Variants in BPTF observed in about 807,000 individuals in gnomAD.
BPTF encodes the protein bromodomain PHD finger transcription factor.
Under a neutral mutation model 292.5 loss-of-function variants are expected in BPTF, and 18 were observed. The observed-to-expected ratio is 0.06, with a 90% CI of 0.04 to 0.09. The LOEUF is 0.09. Ranked by LOEUF, BPTF falls within the 10% of genes least tolerant of loss-of-function variation. The pLI, the probability that BPTF is intolerant of heterozygous loss-of-function variation, is 1.00. For synonymous variants in BPTF, 1,225 were observed against 1,251.9 expected (o/e 0.98, Z 0.45); for missense variants, 2,726 against 3,498.7 (o/e 0.78, Z 5.57).
At chr17:67,927,700 T>G (rs1196273016) in intron 15 of BPTF, among the ~76,000 whole-genome samples, 5 of 152,220 alleles carry the variant, frequency 3.3e-5, no homozygotes, top group Non-Finnish European at 5.9e-5. Flanking sequence ...TCTGTTGTTT[T>G]CAGTCTGAAA....
intron 17 of BPTF, among the ~76,000 whole-genome samples, chr17:67,929,863 C>G (rs2064214909): frequency 6.6e-6 from 1 of 152,186 alleles, no homozygotes; most frequent in Non-Finnish European, 1.5e-5. Flanking sequence ...CGCCTGTAAT[C>G]CGAACACTTT....
intron 1 of BPTF, among the ~76,000 whole-genome samples, chr17:67,839,285 A>G (rs564598842): frequency 2.8e-4 from 43 of 152,232 alleles, no homozygotes; most frequent in African/African-American, 9.9e-4. Flanking sequence ...GAGACCTTCA[A>G]TGTGTTGAAT....
chr17:67,901,053 A>G (rs1407807745), intron 7 of BPTF, among the ~76,000 whole-genome samples: 1 of 152,120 alleles, frequency 6.6e-6, no homozygotes, highest in Admixed American at 6.6e-5. Context: ...GTTATTGTGT[A>G]AGAATAGCCA....
chr17:67,836,402 C>T (rs1164092629), intron 1 of BPTF, among the ~76,000 whole-genome samples: 5 of 152,080 alleles, frequency 3.3e-5, no homozygotes, highest in African/African-American at 1.2e-4. Flanking sequence ...CTTTTGAGGT[C>T]TGTGTATAGT....
intron 18 of BPTF, 137 bp downstream of exon 18, chr17:67,932,156 T>C: frequency 1.4e-6 from 1 of 711,196 alleles, no homozygotes; most frequent in South Asian, 1.9e-5. Context: ...TCTAATCCAT[T>C]GTGAGCTCTA....
At position 67,893,706 on chromosome 17, in the gene BPTF, C is replaced by T. The variant is rs2061269065; in HGVS notation, c.2392C>T (p.Pro798Ser). Residue 798 changes from proline to serine, a missense_variant, in exon 6 of 28, where the codon CCC becomes TCC. Physicochemically the swap from Pro to Ser is moderately conservative, Grantham distance 74. Coordinates refer to ENST00000306378, the MANE Select transcript of BPTF (RefSeq NM_182641.4). The stretch of plus-strand genomic sequence containing the variant: ...CAACATCCCTTCATCCTTTCTTCAT[C>T]CCAACTGGGCATCACATAGGTAAAG... ...ENNIPSSFLH[P>S]NWASHRANWI... 6.2e-7 allele frequency: 1 copy of T among 1,605,068 alleles called. No homozygotes were observed. The highest frequency in any genetic ancestry group is 8.5e-7 in the Non-Finnish European group (1 of 1,172,792).
rs2063334253 is a variant in BPTF at position 67,920,096 on chromosome 17, G to A, written c.5510G>A (p.Cys1837Tyr). 6.2e-7 allele frequency: 1 copy of A among 1,611,924 alleles called. No individual in the cohort carries two copies. Among genetic ancestry groups the A allele is most frequent in the African/African-American group, 1.3e-5 (1 of 74,838 alleles). Residue 1837 changes from cysteine (C) to tyrosine (Y), a missense_variant, in exon 13 of 28, where the codon TGT (cysteine) becomes TAT (tyrosine). By Grantham distance (194) the Cys-to-Tyr change is radical (BLOSUM62 -2). Transcript: ENST00000306378. The part of the protein sequence containing the change: ...VGPYGIRSEY[C>Y]IRKIICPIGV... Reference sequence around the variant, plus strand: ...CCTTATGGCATTCGATCTGAATATTGTATCAGGAAAATCATTTGTCCCATT... The same window carrying A: ...CCTTATGGCATTCGATCTGAATATTATATCAGGAAAATCATTTGTCCCATT...
rs530886455 is a variant in BPTF, at chr17:67,930,952, C to G, written c.6151-959C>G. 5.3e-5 allele frequency among the ~76,000 whole-genome samples: 8 copies of G among 149,552 alleles called. No individual in the cohort carries two copies. The South Asian group carries it at 1.7e-3, about 31-fold the overall frequency. ...TCTAAGTGACAGAGTGAGACTCTGT[C>G]TCAAAAAAAAAAAAAAGTTCAAAGA... On this transcript the variant is annotated intron_variant, in intron 17 of 27. Coordinates refer to ENST00000306378, the MANE Select transcript of BPTF (RefSeq NM_182641.4).
chr17:67,856,707 G>A (rs952299617), intron 2 of BPTF, among the ~76,000 whole-genome samples: 1 of 152,204 alleles, frequency 6.6e-6, no homozygotes, highest in Non-Finnish European at 1.5e-5. Context: ...TGTCCTGCTT[G>A]AAGCATGAAG....
intron 18 of BPTF, among the ~76,000 whole-genome samples, chr17:67,934,581 A>G (rs1223302849): frequency 1.3e-5 from 2 of 152,054 alleles, no homozygotes; most frequent in Non-Finnish European, 2.9e-5. Flanking sequence ...CTTGCTTAGA[A>G]GTATGTGAGT....
intron 11 of BPTF, among the ~76,000 whole-genome samples, chr17:67,916,896 A>G (rs1370871627): frequency 6.6e-6 from 1 of 152,092 alleles, no homozygotes; most frequent in Non-Finnish European, 1.5e-5. Flanking sequence ...ATCAACCACT[A>G]AGTTCATTTA....
intron 23 of BPTF, among the ~76,000 whole-genome samples, chr17:67,958,757 G>A (rs1555682117): frequency 1.3e-5 from 2 of 152,084 alleles, no homozygotes. Context: ...CTGAGGTCAG[G>A]AGTTTGCAAC....
intron 26 of BPTF, among the ~76,000 whole-genome samples, chr17:67,968,905 T>A (rs1276985533): frequency 1.3e-5 from 2 of 151,192 alleles, no homozygotes; most frequent in African/African-American, 4.9e-5. Flanking sequence ...TGCTTGAACC[T>A]GGAAGGCAGA....
rs1377430083 is a variant in BPTF at position 67,947,869 on chromosome 17, A to G, written c.7700+61A>G. 5.5e-6 allele frequency: 8 copies of G among 1,461,562 alleles called. No homozygotes were observed. The Admixed American group carries it at 8.6e-5, about 16-fold the overall frequency. The allele number at this position is 1,461,562 out of a possible 1,614,324, so 90.5% of individuals were successfully genotyped here. On this transcript the variant is annotated intron_variant, in intron 22 of 27. Coordinates refer to ENST00000306378, the MANE Select transcript of BPTF (RefSeq NM_182641.4). ...TCTTCTCTTTATCGTGCACACGCAC[A>G]GAGTTCTGAGTTTATACTTGTTTAT...
chr17:67,836,365 C>T (rs1341800526), intron 1 of BPTF, among the ~76,000 whole-genome samples: 1 of 152,284 alleles, frequency 6.6e-6, no homozygotes. Context: ...TGGCTTCTTG[C>T]TCGATTTCAG....
rs139987934 is a variant in BPTF at position 67,926,393 on chromosome 17, C to T, written c.5751+1804C>T. On this transcript the variant is annotated intron_variant, in intron 15 of 27. Transcript: ENST00000306378. ...AGGCTGGAGTGCAGTGGCGCGATCTCGGCTTACTGCAAGCTCCGCCTCCCG... is the reference window on the plus strand; with the variant it reads ...AGGCTGGAGTGCAGTGGCGCGATCTTGGCTTACTGCAAGCTCCGCCTCCCG... 4.6e-3 allele frequency among the ~76,000 whole-genome samples: 641 copies of T among 140,246 alleles called. 5 individuals are homozygous for T. Among genetic ancestry groups the T allele is most frequent in the African/African-American group, 0.016 (599 of 37,274 alleles). 92.0% of individuals were successfully genotyped at this position (140,246 alleles called of 152,430 possible).
intron 21 of BPTF, among the ~76,000 whole-genome samples, chr17:67,947,228 AT>A (rs1346347811): frequency 1.3e-5 from 2 of 152,210 alleles, no homozygotes; most frequent in African/African-American, 4.8e-5. Context: ...TTATATTTAA[AT>A]GTATTATTAC....
intron 26 of BPTF, among the ~76,000 whole-genome samples, chr17:67,971,143 A>G (rs1213637302): frequency 1.3e-5 from 2 of 152,160 alleles, no homozygotes; most frequent in Non-Finnish European, 2.9e-5. Context: ...CAGTGGCGCT[A>G]TCTCGGCTCA....
intron 13 of BPTF, among the ~76,000 whole-genome samples, chr17:67,922,638 T>G (rs1357427881): frequency 6.6e-6 from 1 of 152,212 alleles, no homozygotes; most frequent in East Asian, 1.9e-4. Flanking sequence ...AAATGAAATT[T>G]GATTGGAACA....
Sources: gnomAD v4.1 joint callset for allele counts (sites outside exome capture counted in the v4.1 genomes callset) on GRCh38, gnomAD v4.1.1 for gene constraint, MANE v1.5 for transcripts, NCBI Gene and HGNC (gene_info 2026-07-23, HGNC 2026-07-21) for gene names.